Variants in DHX36 observed in about 807,000 individuals in gnomAD.
DHX36 encodes DEAH-box helicase 36.
A neutral mutation model predicts 139.0 loss-of-function variants in DHX36; 50 were observed. That is an observed-to-expected ratio of 0.36 (90% CI 0.29 to 0.46). The LOEUF (loss-of-function observed/expected upper bound fraction) is 0.46, where lower values mean the gene tolerates loss of function less well. Among genes scored for constraint, DHX36 ranks in the 20% least tolerant of loss-of-function variants. The probability of loss-of-function intolerance (pLI) is 1.00; values close to 1 mark genes in which losing one functional copy is unlikely to be tolerated. For missense variants in DHX36, 1,024 were observed against 1,211.3 expected (o/e 0.85, Z 2.29); for synonymous variants, 425 against 401.9 (o/e 1.06, Z -0.69).
In DHX36 at chr3:154,276,798, T is replaced by A. The variant is rs374164936; in HGVS notation, c.2790A>T (p.Val930=). ...GAGACTGAAATACAATCCACTCATC[T>A]ACAGCAATAGTTTCCTGATCGTTAT... The part of the protein sequence containing the change: ...QKDNDQETIA[V]DEWIVFQSPA... Residue 930 remains valine, a synonymous_variant, in exon 24 of 25, where the codon GTA becomes GTT. Coordinates refer to ENST00000496811, the MANE Select transcript of DHX36 (RefSeq NM_020865.3). The A allele has an allele frequency of 2.4e-5, 38 of 1,613,970 alleles. 1 individual carries two copies. In the South Asian group the frequency reaches 4.1e-4, roughly 17 times the overall value.
intron 15 of DHX36, among the ~76,000 whole-genome samples, chr3:154,290,516 C>A (rs1267779017): frequency 3.3e-5 from 5 of 151,510 alleles, no homozygotes; most frequent in Non-Finnish European, 4.4e-5. Flanking sequence ...TGGTGTGCTC[C>A]TGTAGTCCCA....
At chr3:154,300,730 TAATCA>T (rs1712236988) in intron 10 of DHX36, 34 bp from the exon 11 acceptor site, 1 of 1,538,382 alleles carries the variant, frequency 6.5e-7, no homozygotes, top group Admixed American at 1.8e-5. Flanking sequence ...ATGAAATACT[TAATCA>T]AGTTTTCTGT....
chr3:154,294,198 G>C (rs1416318664), intron 13 of DHX36, among the ~76,000 whole-genome samples: 2 of 152,068 alleles, frequency 1.3e-5, no homozygotes. Flanking sequence ...TAATCAGGCA[G>C]ATGCCCAACC....
chr3:154,282,176 A>C (rs566018541), intron 20 of DHX36, among the ~76,000 whole-genome samples: 1 of 152,140 alleles, frequency 6.6e-6, no homozygotes, highest in Non-Finnish European at 1.5e-5. Flanking sequence ...TAAACGTTCA[A>C]TTACACAGGA....
chr3:154,296,864 A>T (rs1478900653), intron 12 of DHX36, among the ~76,000 whole-genome samples: 1 of 152,258 alleles, frequency 6.6e-6, no homozygotes, highest in Non-Finnish European at 1.5e-5. Context: ...CAAGCAACTG[A>T]TGTTGCTAAA....
At position 154,315,250 on chromosome 3, in the gene DHX36, T is replaced by C; in HGVS notation, c.399A>G (p.Thr133=). The change falls in exon 3 of 25, where the codon ACA becomes ACG. Residue 133 remains threonine (T), a synonymous_variant. Coordinates refer to ENST00000496811, the MANE Select transcript of DHX36 (RefSeq NM_020865.3). ...GYGTEVSTKN[T]PCSENKLDIQ... is the part of the protein sequence containing the mutation. ...TGTCAAGTTTGTTCTCTGAGCATGGTGTGTTCTTAGTAGAAACTTCAGTAC... is the reference window on the plus strand; with the variant it reads ...TGTCAAGTTTGTTCTCTGAGCATGGCGTGTTCTTAGTAGAAACTTCAGTAC... The C allele has an allele frequency of 6.2e-7, 1 of 1,613,244 alleles. No individual in the cohort carries two copies. The highest frequency in any genetic ancestry group is 8.5e-7 in the Non-Finnish European group (1 of 1,179,620).
intron 16 of DHX36, 96 bp downstream of exon 16, chr3:154,289,613 T>A (rs996525646): frequency 1.3e-6 from 1 of 744,464 alleles, no homozygotes; most frequent in African/African-American, 1.8e-5. Context: ...GAGTTAATAA[T>A]TGTTTCTTGG....
chr3:154,319,081 C>T lies in DHX36; in HGVS notation c.244-2918G>A, dbSNP rs562188529. The T allele has an allele frequency of 8.5e-5, 13 of 152,270 alleles. No individual in the cohort carries two copies. The East Asian group carries it at 2.1e-3, about 25-fold the overall frequency. The allele number at this position is 152,270 out of a possible 1,614,324, so 9.4% of individuals were successfully genotyped here. ...ATGCTGCAGGTAGCAGAGAACATACCTTAATTCCAAACTTGGATCTTGCCT... is the reference window on the plus strand; with the variant it reads ...ATGCTGCAGGTAGCAGAGAACATACTTTAATTCCAAACTTGGATCTTGCCT... On this transcript the variant is annotated intron_variant, in intron 1 of 24. Transcript: ENST00000496811.
At chr3:154,293,193 C>T (rs1282667767) in intron 14 of DHX36, among the ~76,000 whole-genome samples, 2 of 152,134 alleles carry the variant, frequency 1.3e-5, no homozygotes, top group African/African-American at 4.8e-5. Flanking sequence ...AAATTTACCT[C>T]AGCTCCCATG....
chr3:154,312,827 CA>C (rs1161856747), intron 3 of DHX36, among the ~76,000 whole-genome samples: 30 of 62,066 alleles, frequency 4.8e-4, no homozygotes, highest in East Asian at 1.9e-3. Context: ...GACTCCATCT[CA>C]AAAAAAAAAA....
chr3:154,302,904 T>C (rs1712355822), intron 9 of DHX36, among the ~76,000 whole-genome samples: 1 of 152,000 alleles, frequency 6.6e-6, no homozygotes, highest in Non-Finnish European at 1.5e-5. Context: ...ACGGTGAAAC[T>C]AGTTTCTACT....
intron 12 of DHX36, 108 bp downstream of exon 12, chr3:154,299,730 C>A (rs771796466): frequency 8.6e-5 from 69 of 800,604 alleles, no homozygotes; most frequent in Non-Finnish European, 1.4e-4. Flanking sequence ...TCACCTTCAT[C>A]TGTGACCTAG....
In DHX36 at chr3:154,284,822, T is replaced by C. The variant is rs1043187850; in HGVS notation, c.2197A>G (p.Ile733Val). ...ASLSFKDPFV[I>V]PLGKEKIADA... Reference sequence around the variant, plus strand: ...ATTTCCATTTTTCTTACCAGTGGAATGACAAATGGATCTTTGAAACTGAGA... The same window carrying C: ...ATTTCCATTTTTCTTACCAGTGGAACGACAAATGGATCTTTGAAACTGAGA... The change falls in exon 18 of 25, where the codon ATT becomes GTT. Residue 733 changes from isoleucine (I) to valine (V), a missense_variant. Transcript: ENST00000496811. 1 of 1,613,480 alleles carries C rather than the reference T, an allele frequency of 6.2e-7. No homozygotes were observed. The highest frequency in any genetic ancestry group is 1.3e-5 in the African/African-American group (1 of 74,916).
chr3:154,303,111 T>C (rs557277275), intron 9 of DHX36, among the ~76,000 whole-genome samples: 2 of 152,148 alleles, frequency 1.3e-5, no homozygotes, highest in Non-Finnish European at 2.9e-5. Context: ...GGCTACTACC[T>C]CAGACACTGT....
At chr3:154,301,672 T>C (rs1056069971) in intron 9 of DHX36, among the ~76,000 whole-genome samples, 2 of 152,178 alleles carry the variant, frequency 1.3e-5, no homozygotes, top group African/African-American at 4.8e-5. Flanking sequence ...TTGTAGTTAA[T>C]GGCAGATCCA....
At position 154,273,184 on chromosome 3, in the gene DHX36, T is replaced by C. The variant is rs1719046480; in HGVS notation, c.*2987A>G. ...TAAAATCCACTAAAGAACAAACAGT[T>C]CTTAGACCTGGAATGTATTTTCTAC... is the stretch of plus-strand genomic sequence containing the variant. On this transcript the variant is annotated 3_prime_UTR_variant, in exon 25 of 25. Coordinates refer to ENST00000496811, the MANE Select transcript of DHX36 (RefSeq NM_020865.3). 6.6e-6 allele frequency: 1 copy of C among 152,196 alleles called. No homozygotes were observed. Among genetic ancestry groups the C allele is most frequent in the African/African-American group, 2.4e-5 (1 of 41,448 alleles). 9.4% of individuals were successfully genotyped at this position (152,196 alleles called of 1,614,324 possible).
chr3:154,277,027 T>A, intron 23 of DHX36, 128 bp from the exon 24 acceptor site: 1 of 774,282 alleles, frequency 1.3e-6, no homozygotes, highest in Non-Finnish European at 1.9e-6. Flanking sequence ...CTATTGTAAT[T>A]ACAGAGATTT....
At chr3:154,292,715 T>C in intron 14 of DHX36, 21 bp from the exon 15 acceptor site, 1 of 1,595,360 alleles carries the variant, frequency 6.3e-7, no homozygotes, top group Non-Finnish European at 8.5e-7. Flanking sequence ...AACAGATATA[T>C]AAAATGTTAA....
Position 154,283,038 on chromosome 3 carries a change from G to T in DHX36, c.2376+150C>A. 5.7e-6 allele frequency: 3 copies of T among 530,406 alleles called. 1 individual carries two copies. The South Asian group carries it at 1.0e-4, about 18-fold the overall frequency. 32.9% of individuals were successfully genotyped at this position (530,406 alleles called of 1,614,324 possible). A position where few individuals can be genotyped will look rare whatever the true frequency, so the allele number is the denominator to read the frequency against. On this transcript the variant is annotated intron_variant, in intron 20 of 24. Coordinates refer to ENST00000496811, the MANE Select transcript of DHX36 (RefSeq NM_020865.3). Reference sequence around the variant, plus strand: ...CCTTGTTTTGTTGCAGTTGATTTCAGAAAGATCCCCCATTACTTTGTGTAT... The same window carrying T: ...CCTTGTTTTGTTGCAGTTGATTTCATAAAGATCCCCCATTACTTTGTGTAT...
Sources: allele counts gnomAD v4.1 joint callset (sites outside exome capture counted in the v4.1 genomes callset), GRCh38; gene constraint gnomAD v4.1.1; transcripts MANE v1.5; gene names NCBI Gene and HGNC (gene_info 2026-07-23, HGNC 2026-07-21).